Variants in SNX2 observed in about 807,000 individuals in gnomAD.
SNX2 encodes sorting nexin-2.
SNX2 carries 25 observed loss-of-function variants against 69.9 expected under a neutral mutation model. The ratio of observed to expected loss-of-function variants is 0.36; its 90% CI spans 0.26 to 0.50. SNX2 has a LOEUF of 0.50. Ranked by LOEUF, SNX2 falls within the 20% of genes least tolerant of loss-of-function variation. The pLI is 0.97. For synonymous variants in SNX2, 229 were observed against 200.4 expected (o/e 1.14, Z -1.20); for missense variants, 551 against 613.3 (o/e 0.90, Z 1.07).
At chr5:122,806,205 A>G (rs563058680) in intron 6 of SNX2, among the ~76,000 whole-genome samples, 4 of 151,144 alleles carry the variant, frequency 2.6e-5, no homozygotes, top group African/African-American at 7.3e-5. Context: ...GCAACTACAG[A>G]TAATACAGTT....
At chr5:122,789,785 A>C (rs966709146) in intron 1 of SNX2, among the ~76,000 whole-genome samples, 2 of 152,198 alleles carry the variant, frequency 1.3e-5, no homozygotes, top group African/African-American at 4.8e-5. Context: ...TTTCAGGACA[A>C]AACTATTAGA....
At chr5:122,789,104 T>G (rs776133512) in intron 1 of SNX2, among the ~76,000 whole-genome samples, 5 of 152,190 alleles carry the variant, frequency 3.3e-5, no homozygotes, top group Non-Finnish European at 7.3e-5. Flanking sequence ...TCAATTTGCT[T>G]AGGTTCAGAT....
chr5:122,783,217 TTA>T (rs1354588135), intron 1 of SNX2, among the ~76,000 whole-genome samples: 1 of 152,146 alleles, frequency 6.6e-6, no homozygotes, highest in African/African-American at 2.4e-5. Context: ...ACTGCTGGGA[TTA>T]TAGGCGTGAG....
intron 11 of SNX2, among the ~76,000 whole-genome samples, chr5:122,822,449 A>G (rs1349970377): frequency 6.6e-6 from 1 of 152,108 alleles, no homozygotes; most frequent in South Asian, 2.1e-4. Flanking sequence ...GTTATTATCT[A>G]TTTCGAATAG....
chr5:122,792,812 A>G (rs1348923032), intron 1 of SNX2, among the ~76,000 whole-genome samples: 1 of 152,214 alleles, frequency 6.6e-6, no homozygotes, highest in Non-Finnish European at 1.5e-5. Context: ...AGAAAAATGA[A>G]CAAAATATTT....
At position 122,791,715 on chromosome 5, in the gene SNX2, C is replaced by T. The variant is rs559465012; in HGVS notation, c.109-3551C>T. 4.7e-4 allele frequency among the ~76,000 whole-genome samples: 72 copies of T among 152,378 alleles called. No individual in the cohort carries two copies. In the South Asian group the frequency reaches 5.2e-3, roughly 11 times the overall value. ...TACAGGCGTAAGCCACCGCGCCTGG[C>T]CCTCAATTTTTATAGTAATATAGAA... On this transcript the variant is annotated intron_variant, in intron 1 of 14. Transcript: ENST00000379516.
chr5:122,805,277 C>T (rs893496390), intron 6 of SNX2, among the ~76,000 whole-genome samples: 19 of 138,108 alleles, frequency 1.4e-4, no homozygotes, highest in East Asian at 4.5e-4. Context: ...GGCAGAAGAG[C>T]GAGACTCCAT....
At chr5:122,782,257 A>G (rs559693309) in intron 1 of SNX2, among the ~76,000 whole-genome samples, 1 of 151,888 alleles carries the variant, frequency 6.6e-6, no homozygotes, top group South Asian at 2.1e-4. Context: ...ATTTTATTTG[A>G]GACAGAGTCT....
At chr5:122,775,497 C>G (rs1424445170) in intron 1 of SNX2, 2 of 1,111,454 alleles carry the variant, frequency 1.8e-6, no homozygotes, top group Non-Finnish European at 1.1e-6. Context: ...AGCTGGCCTT[C>G]CTCGGTGTCT....
chr5:122,804,895 G>T (rs922838729), intron 6 of SNX2, among the ~76,000 whole-genome samples: 2 of 151,980 alleles, frequency 1.3e-5, no homozygotes, highest in Admixed American at 1.3e-4. Context: ...ATGTGCTGCT[G>T]AAGTGAGCAC....
rs753775412 is a variant in SNX2 at position 122,829,608 on chromosome 5, A to C, written c.1520A>C (p.Tyr507Ser). 4 of 1,612,706 alleles carry C rather than the reference A, an allele frequency of 2.5e-6. No individual in the cohort carries two copies. The Admixed American group carries it at 6.7e-5, about 27-fold the overall frequency. ...LVQTQQQLIK[Y>S]WEAFLPEAKA... is the part of the protein sequence containing the mutation. ...AATTATCATTCACAGCTGATAAAAT[A>C]CTGGGAAGCATTCCTACCTGAAGCC... Residue 507 changes from tyrosine to serine, a missense_variant, in exon 15 of 15, where the codon TAC (tyrosine) becomes TCC (serine). Around this residue, in one of 2 missense-constraint regions of SNX2, gnomAD observed 360 missense variants for 450.4 expected, o/e 0.80. Coordinates refer to ENST00000379516, the MANE Select transcript of SNX2 (RefSeq NM_003100.4).
chr5:122,793,691 C>T (rs1480621007), intron 1 of SNX2, among the ~76,000 whole-genome samples: 1 of 152,042 alleles, frequency 6.6e-6, no homozygotes, highest in African/African-American at 2.4e-5. Flanking sequence ...GGGCGGATCA[C>T]CTGAGGTCAG....
intron 6 of SNX2, among the ~76,000 whole-genome samples, chr5:122,805,417 G>A (rs1178182185): frequency 2.0e-5 from 3 of 151,802 alleles, no homozygotes; most frequent in Non-Finnish European, 4.4e-5. Context: ...GAGCCACCAT[G>A]CTCAGCCAAA....
intron 5 of SNX2, among the ~76,000 whole-genome samples, chr5:122,803,188 T>C (rs1382104417): frequency 6.6e-6 from 1 of 152,144 alleles, no homozygotes; most frequent in African/African-American, 2.4e-5. Context: ...TTGTAAGATA[T>C]CTGGGCCAGA....
chr5:122,803,084 A>T (rs1219618348), intron 5 of SNX2, among the ~76,000 whole-genome samples: 1 of 152,206 alleles, frequency 6.6e-6, no homozygotes, highest in African/African-American at 2.4e-5. Flanking sequence ...GTGGCATCTT[A>T]TAGAACTTAT....
Position 122,818,999 on chromosome 5 carries a change from C to T in SNX2, c.1188C>T (p.Tyr396=). Residue 396 remains tyrosine, a synonymous_variant, in exon 11 of 15, where the codon TAC becomes TAT. Transcript: ENST00000379516. ...FYMFSELLSD[Y]IRLIAAVKGV... The stretch of plus-strand genomic sequence containing the variant: ...TGTTTTCAGAACTACTTAGTGACTA[C>T]ATTCGTCTTATTGCTGCAGTGAAAG... The T allele has an allele frequency of 1.2e-6, 2 of 1,613,590 alleles. No individual in the cohort carries two copies. Among genetic ancestry groups the T allele is most frequent in the Non-Finnish European group, 8.5e-7 (1 of 1,179,638 alleles).
At chr5:122,825,773 C>A (rs60936417) in intron 11 of SNX2, among the ~76,000 whole-genome samples, 4,137 of 152,046 alleles carry the variant, frequency 0.027, 156 homozygotes, top group African/African-American at 0.081. Context: ...ATCTTATAAA[C>A]CATATTTAAA....
chr5:122,822,362 C>G (rs1259121426), intron 11 of SNX2, among the ~76,000 whole-genome samples: 1 of 152,204 alleles, frequency 6.6e-6, no homozygotes, highest in African/African-American at 2.4e-5. Flanking sequence ...GGATTACAGG[C>G]ATGAGCCACC....
chr5:122,806,142 G>GCGCGCACGCACACACACACACACACACA, intron 6 of SNX2, among the ~76,000 whole-genome samples: 1 of 130,584 alleles, frequency 7.7e-6, no homozygotes, highest in Non-Finnish European at 1.6e-5. Flanking sequence ...ACACGCGCGC[G>GCGCGCACGCACACACACACACACACACA]CACACACACA....
Sources: allele counts gnomAD v4.1 joint callset (sites outside exome capture counted in the v4.1 genomes callset), GRCh38; gene constraint gnomAD v4.1.1; regional missense constraint gnomAD v4.1.1; transcripts MANE v1.5; gene names NCBI Gene and HGNC (gene_info 2026-07-23, HGNC 2026-07-21).